Variants in CENPI observed in about 807,000 individuals in gnomAD.
CENPI encodes FSH primary response 1.
Under a neutral mutation model 60.4 loss-of-function variants are expected in CENPI, and 4 were observed. The observed-to-expected ratio is 0.07, with a 90% CI of 0.03 to 0.15. CENPI has a LOEUF of 0.15. Among genes scored for constraint, CENPI ranks in the 10% least tolerant of loss-of-function variants. CENPI has a pLI of 1.00. For synonymous variants in CENPI, 157 were observed against 189.4 expected (o/e 0.83, Z 1.40); for missense variants, 444 against 534.5 (o/e 0.83, Z 1.67).
At chrX:101,156,052 A>G (rs1162350767) in intron 20 of CENPI, among the ~76,000 whole-genome samples, 2 of 109,496 alleles carry the variant, frequency 1.8e-5, no homozygotes, top group Non-Finnish European at 3.8e-5. Flanking sequence ...CACTCTCGTC[A>G]CCCAGGCTGG....
chrX:101,135,345 G>A (rs2089835719), intron 15 of CENPI, among the ~76,000 whole-genome samples: 1 of 111,162 alleles, frequency 9.0e-6, no homozygotes, highest in African/African-American at 3.3e-5. Context: ...AGAGTTCTAA[G>A]GTCCTCAATG....
chrX:101,175,161 T>C, the CENPI span, among the ~76,000 whole-genome samples: 1 of 112,224 alleles, frequency 8.9e-6, no homozygotes, highest in African/African-American at 3.2e-5. Context: ...TATTAATCTA[T>C]TTAATTTAAG....
intron 1 of CENPI, 85 bp from the exon 2 acceptor site, chrX:101,098,359 A>C (rs1292114563): frequency 9.0e-6 from 1 of 111,688 alleles, no homozygotes; most frequent in African/African-American, 3.3e-5. Context: ...TTCCGTAGCC[A>C]GTTTCGCACC....
In CENPI at chrX:101,147,756, C is replaced by T; in HGVS notation, c.1827-7C>T. The T allele has an allele frequency of 1.7e-6, 2 of 1,188,714 alleles. No homozygotes were observed. The highest frequency in any genetic ancestry group is 3.7e-5 in the South Asian group (2 of 54,785). The stretch of plus-strand genomic sequence containing the variant: ...AAATGTTTCATTCTGTTTGTTTTTT[C>T]TGTTAGATATCGTAAAAATTTGACT... On this transcript the variant is annotated splice_region_variant and splice_polypyrimidine_tract_variant and intron_variant, in intron 18 of 21. Transcript: ENST00000682095.
chrX:101,140,583 T>C (rs965252201), intron 15 of CENPI, 83 bp from the exon 16 acceptor site: 10 of 682,811 alleles, frequency 1.5e-5, no homozygotes, highest in Non-Finnish European at 2.3e-5. Context: ...CATGGTCCTT[T>C]TCATCTCTAA....
intron 6 of CENPI, among the ~76,000 whole-genome samples, chrX:101,111,688 A>G (rs1266491859): frequency 8.9e-6 from 1 of 111,833 alleles, no homozygotes; most frequent in Non-Finnish European, 1.9e-5. Context: ...TTCTGAGGAA[A>G]AGCATTTGTG....
intron 12 of CENPI, 103 bp from the exon 13 acceptor site, chrX:101,129,879 T>C (rs1394994214): frequency 9.2e-6 from 5 of 545,757 alleles, no homozygotes; most frequent in East Asian, 3.5e-5. Context: ...ATGAGACTTA[T>C]GGCTTTTTTA....
intron 15 of CENPI, among the ~76,000 whole-genome samples, chrX:101,139,936 G>A (rs2089897350): frequency 9.2e-6 from 1 of 108,518 alleles, no homozygotes; most frequent in Middle Eastern, 4.8e-3. Context: ...CTGGGTTCAC[G>A]TCATTCTCCT....
intron 4 of CENPI, among the ~76,000 whole-genome samples, chrX:101,104,870 A>G (rs903395861): frequency 1.8e-5 from 2 of 110,156 alleles, no homozygotes; most frequent in Non-Finnish European, 3.8e-5. Flanking sequence ...AAAAAAAAGA[A>G]AAATTAAGAC....
chrX:101,164,701 T>C lies in CENPI; in HGVS notation c.*1734T>C, dbSNP rs2090136766. On this transcript the variant is annotated 3_prime_UTR_variant, in exon 22 of 22. Coordinates refer to ENST00000682095, the MANE Select transcript of CENPI (RefSeq NM_001386188.2). The stretch of plus-strand genomic sequence containing the variant: ...AGACAATAACATATATCAAATGCTA[T>C]AAAGAAAGGGCAGGGAATAGGGATA... Among the ~76,000 whole-genome samples, 1 of 112,401 alleles carries C rather than the reference T, an allele frequency of 8.9e-6. No individual in the cohort carries two copies. Among genetic ancestry groups the C allele is most frequent in the Non-Finnish European group, 1.9e-5 (1 of 53,320 alleles).
rs764993999 is a variant in CENPI, at chrX:101,145,116, G to A, written c.1618G>A (p.Val540Ile). The A allele has an allele frequency of 1.7e-6, 2 of 1,200,492 alleles. No individual in the cohort carries two copies. Among genetic ancestry groups the A allele is most frequent in the South Asian group, 3.5e-5 (2 of 56,540 alleles). The change falls in exon 17 of 22, where the codon GTA (valine) becomes ATA (isoleucine). Residue 540 changes from valine to isoleucine, a missense_variant. Coordinates refer to ENST00000682095, the MANE Select transcript of CENPI (RefSeq NM_001386188.2). ...CTCTGTGTCTAAACTGATCCACTAT[G>A]TAGGGTGGCTATCCACTACTGCAAT... ...MNSVSKLIHY[V>I]GWLSTTAMRL...
intron 13 of CENPI, 36 bp downstream of exon 13, chrX:101,130,109 T>G (rs2089780017): frequency 3.1e-6 from 3 of 973,025 alleles, no homozygotes; most frequent in Non-Finnish European, 4.4e-6. Context: ...TCTCCACCAC[T>G]CTTTACTAAA....
chrX:101,113,811 A>G (rs2089585617), intron 6 of CENPI, among the ~76,000 whole-genome samples: 1 of 112,497 alleles, frequency 8.9e-6, no homozygotes, highest in Admixed American at 9.5e-5. Flanking sequence ...CTTGTTCTCA[A>G]AAACTGGTAT....
rs1232962205 is a variant in CENPI, at chrX:101,162,993, A to G, written c.*26A>G. On this transcript the variant is annotated 3_prime_UTR_variant, in exon 22 of 22. Transcript: ENST00000682095. ...ATGAATGTTGACATAAACTGAACAC[A>G]CTGGACTAAACTCACTCCTCATTGC... 1 of 1,193,179 alleles carries G rather than the reference A, an allele frequency of 8.4e-7. No homozygotes were observed. Among genetic ancestry groups the G allele is most frequent in the African/African-American group, 1.8e-5 (1 of 57,064 alleles).
the CENPI span, among the ~76,000 whole-genome samples, chrX:101,181,817 T>C: frequency 2.7e-5 from 3 of 112,376 alleles, no homozygotes; most frequent in Non-Finnish European, 5.6e-5. Flanking sequence ...TCCAGTACAA[T>C]GGTGAATGGA....
rs1036135304 is a variant in CENPI at position 101,103,563 on chromosome X, A to G, written c.364+1152A>G. 3.7e-5 allele frequency among the ~76,000 whole-genome samples: 4 copies of G among 107,151 alleles called. 1 individual carries two copies. Among genetic ancestry groups the G allele is most frequent in the Admixed American group, 3.0e-4 (3 of 9,838 alleles). The allele number at this position is 107,151 out of a possible 115,157, so 93.0% of individuals were successfully genotyped here. Reference sequence around the variant, plus strand: ...TCCATGTTGGTCGGGTTGGTCTCGAACTCCCGACCTCAGGTGATCCGCCCA... The same window carrying G: ...TCCATGTTGGTCGGGTTGGTCTCGAGCTCCCGACCTCAGGTGATCCGCCCA... On this transcript the variant is annotated intron_variant, in intron 4 of 21. Transcript: ENST00000682095.
At chrX:101,126,895 C>G in intron 9 of CENPI, 97 bp downstream of exon 9, 2 of 813,907 alleles carry the variant, frequency 2.5e-6, no homozygotes, top group East Asian at 3.2e-5. Flanking sequence ...TTACAGCCTA[C>G]TGTTTTACTG....
the CENPI span, among the ~76,000 whole-genome samples, chrX:101,177,928 A>G: frequency 8.9e-6 from 1 of 112,298 alleles, no homozygotes; most frequent in Non-Finnish European, 1.9e-5. Context: ...GGTGAGTCTT[A>G]GCAACCAATA....
At chrX:101,168,548 G>A (rs2090149666), downstream of CENPI, among the ~76,000 whole-genome samples, 1 of 111,801 alleles carries the variant, frequency 8.9e-6, no homozygotes, top group African/African-American at 3.2e-5. Context: ...CTGGGCAACA[G>A]AGCAAGACTC....
Sources: allele counts gnomAD v4.1 joint callset (sites outside exome capture counted in the v4.1 genomes callset), GRCh38; gene constraint gnomAD v4.1.1; transcripts MANE v1.5; gene names NCBI Gene and HGNC (gene_info 2026-07-23, HGNC 2026-07-21).